Variants in PCED1B observed in about 807,000 individuals in gnomAD.
PCED1B encodes the protein PC-esterase domain containing 1B.
For missense variants in PCED1B, 573 were observed against 573.9 expected (o/e 1.00, Z 0.02); for synonymous variants, 251 against 246.1 (o/e 1.02, Z -0.19).
intron 2 of PCED1B, among the ~76,000 whole-genome samples, chr12:47,190,969 A>G (rs4768780): frequency 0.43 from 64,934 of 152,084 alleles, 16,859 homozygotes; most frequent in South Asian, 0.59. Flanking sequence ...TGACCTAAGG[A>G]TCATTGTTCT....
At chr12:47,095,067 C>T (rs1036265773) in intron 1 of PCED1B, among the ~76,000 whole-genome samples, 1 of 133,032 alleles carries the variant, frequency 7.5e-6, no homozygotes, top group Non-Finnish European at 1.6e-5. Context: ...CCACTGTGCC[C>T]ACAATTTTTT....
intron 3 of PCED1B, among the ~76,000 whole-genome samples, chr12:47,225,835 T>C (rs953741912): frequency 7.2e-5 from 11 of 152,208 alleles, no homozygotes; most frequent in Non-Finnish European, 1.6e-4. Flanking sequence ...TTCTCTACAG[T>C]ATCTCTAAAG....
At chr12:47,097,448 G>A (rs1029160689) in intron 1 of PCED1B, among the ~76,000 whole-genome samples, 9 of 152,184 alleles carry the variant, frequency 5.9e-5, no homozygotes, top group African/African-American at 1.9e-4. Context: ...GGGAAGAAGG[G>A]AAGGCAGGGC....
chr12:47,107,003 G>A (rs914515788), intron 2 of PCED1B, among the ~76,000 whole-genome samples: 13 of 152,026 alleles, frequency 8.6e-5, no homozygotes, highest in African/African-American at 2.2e-4. Context: ...CCTGCAGATC[G>A]TCCCCTACCC....
chr12:47,161,293 A>C (rs59481809), intron 2 of PCED1B, among the ~76,000 whole-genome samples: 2,322 of 152,272 alleles, frequency 0.015, 59 homozygotes, highest in African/African-American at 0.053. Flanking sequence ...TTTGTATGTG[A>C]ATATCCACTT....
intron 1 of PCED1B, among the ~76,000 whole-genome samples, chr12:47,100,623 G>A (rs533423211): frequency 6.6e-6 from 1 of 152,290 alleles, no homozygotes; most frequent in Admixed American, 6.5e-5. Flanking sequence ...GAAATCTGAT[G>A]TCTTCCATAC....
At position 47,184,323 on chromosome 12, in the gene PCED1B, TG is replaced by T. The variant is rs569862411; in HGVS notation, c.-525-31895del. On this transcript the variant is annotated intron_variant, in intron 2 of 3. Transcript: ENST00000546455. Reference sequence around the variant, plus strand: ...AGTGGTGTGCTGGTAAACGACCAGCTGGGGAAGGGGAGGTGGTTTGATTTAT... The same window carrying T: ...AGTGGTGTGCTGGTAAACGACCAGCTGGGAAGGGGAGGTGGTTTGATTTAT... 3.2e-3 allele frequency among the ~76,000 whole-genome samples: 480 copies of T among 152,294 alleles called. 3 individuals are homozygous for T. Among genetic ancestry groups the T allele is most frequent in the African/African-American group, 8.9e-3 (369 of 41,562 alleles).
intron 2 of PCED1B, among the ~76,000 whole-genome samples, chr12:47,133,691 AG>A (rs150616377): frequency 4.4e-4 from 67 of 152,360 alleles, no homozygotes; most frequent in African/African-American, 1.5e-3. Flanking sequence ...TGTCAGGGCA[AG>A]GGAAAGAAGG....
chr12:47,158,313 G>A (rs998702102), intron 2 of PCED1B, among the ~76,000 whole-genome samples: 3 of 152,136 alleles, frequency 2.0e-5, no homozygotes, highest in African/African-American at 7.2e-5. Flanking sequence ...TTATTTTCTG[G>A]AATTGTTTTG....
chr12:47,236,217 C>T lies in PCED1B; in HGVS notation c.1154C>T (p.Pro385Leu). 1 of 1,614,164 alleles carries T rather than the reference C, an allele frequency of 6.2e-7. No homozygotes were observed. The highest frequency in any genetic ancestry group is 8.5e-7 in the Non-Finnish European group (1 of 1,180,032). ...VGPQLPMPFF[P>L]TPRYQRPAPV... is the part of the protein sequence containing the mutation. ...CCTCAGCTGCCTATGCCCTTCTTCC[C>T]CACACCCCGTTATCAGCGGCCTGCC... Residue 385 changes from proline (P) to leucine (L), a missense_variant, in exon 4 of 4, where the codon CCC becomes CTC. Coordinates refer to ENST00000546455, the MANE Select transcript of PCED1B (RefSeq NM_138371.3).
chr12:47,230,347 G>C (rs556880539), intron 3 of PCED1B, among the ~76,000 whole-genome samples: 13 of 152,240 alleles, frequency 8.5e-5, no homozygotes, highest in African/African-American at 3.1e-4. Context: ...GCCTCCCAAA[G>C]TGCTGGGATC....
intron 2 of PCED1B, among the ~76,000 whole-genome samples, chr12:47,146,215 G>A (rs1335922559): frequency 6.6e-6 from 1 of 152,212 alleles, no homozygotes; most frequent in Non-Finnish European, 1.5e-5. Context: ...ATTGATTGCT[G>A]CAATCTCATG....
intron 2 of PCED1B, among the ~76,000 whole-genome samples, chr12:47,188,546 T>C (rs1212988092): frequency 6.6e-6 from 1 of 152,252 alleles, no homozygotes; most frequent in Non-Finnish European, 1.5e-5. Context: ...AGCCATTTCT[T>C]AGGTAGTTTC....
At chr12:47,082,600 G>A (rs537650132) in intron 1 of PCED1B, among the ~76,000 whole-genome samples, 2 of 152,268 alleles carry the variant, frequency 1.3e-5, no homozygotes, top group East Asian at 3.9e-4. Context: ...AATATGTACT[G>A]AGCCTTTATT....
chr12:47,210,553 G>A (rs1205370045), intron 2 of PCED1B: 2 of 152,160 alleles, frequency 1.3e-5, no homozygotes, highest in Non-Finnish European at 2.9e-5. Flanking sequence ...ATCACCTGAG[G>A]TCAGGAGTTC....
rs550248467 is a variant in PCED1B at position 47,092,346 on chromosome 12, G to A, written c.-608-11767G>A. ...TTGTTTATTGCCAATATATACAAAT[G>A]CAACTAGTTTTTATATGTTGACTGT... On this transcript the variant is annotated intron_variant, in intron 1 of 3. Transcript: ENST00000546455. Among the ~76,000 whole-genome samples, 20 of 152,032 alleles carry A rather than the reference G, an allele frequency of 1.3e-4. No individual in the cohort carries two copies. In the South Asian group the frequency reaches 4.2e-3, roughly 32 times the overall value.
At chr12:47,106,999 G>A (rs1938982458) in intron 2 of PCED1B, among the ~76,000 whole-genome samples, 1 of 152,144 alleles carries the variant, frequency 6.6e-6, no homozygotes, top group Non-Finnish European at 1.5e-5. Context: ...GGCTCCTGCA[G>A]ATCGTCCCCT....
At chr12:47,185,317 G>T (rs1309969920) in intron 2 of PCED1B, among the ~76,000 whole-genome samples, 1 of 152,172 alleles carries the variant, frequency 6.6e-6, no homozygotes, top group Non-Finnish European at 1.5e-5. Flanking sequence ...CACAAGAAGA[G>T]AACGCTATGT....
chr12:47,103,609 ATGAACCGGT>A (rs11277003), intron 1 of PCED1B, among the ~76,000 whole-genome samples: 65,468 of 151,618 alleles, frequency 0.43, 14,539 homozygotes, highest in Admixed American at 0.59. Context: ...GTAATGAAAA[ATGAACCGGT>A]TGTTCTTGAG....
Sources: allele counts gnomAD v4.1 joint callset (sites outside exome capture counted in the v4.1 genomes callset), GRCh38; gene constraint gnomAD v4.1.1; transcripts MANE v1.5; gene names NCBI Gene and HGNC (gene_info 2026-07-23, HGNC 2026-07-21).